Variants in VPS54 observed in about 807,000 individuals in gnomAD.
VPS54 encodes vacuolar protein sorting-associated protein 54.
Under a neutral mutation model 121.5 loss-of-function variants are expected in VPS54, and 45 were observed. That is an observed-to-expected ratio of 0.37 (90% CI 0.29 to 0.47). The LOEUF (loss-of-function observed/expected upper bound fraction) is 0.47. Ranked by LOEUF, VPS54 falls within the 20% of genes least tolerant of loss-of-function variation. The pLI, the probability that VPS54 is intolerant of heterozygous loss-of-function variation, is 0.99. For synonymous variants in VPS54, 371 were observed against 385.8 expected, an observed-to-expected ratio of 0.96 and a Z score of 0.45; for missense variants, 1,090 against 1,131.4, an observed-to-expected ratio of 0.96 and a Z score of 0.52.
At chr2:63,993,808 TAC>T (rs1677445087) in intron 1 of VPS54, among the ~76,000 whole-genome samples, 2 of 152,206 alleles carry the variant, frequency 1.3e-5, no homozygotes, top group African/African-American at 4.8e-5. Context: ...CTGAGGCTGT[TAC>T]AGTGTTCACT....
chr2:63,901,635 C>T (rs183000809), intron 20 of VPS54, among the ~76,000 whole-genome samples: 1 of 152,234 alleles, frequency 6.6e-6, no homozygotes, highest in East Asian at 1.9e-4. Context: ...AAACCCTATT[C>T]TCATACAAAG....
chr2:63,978,789 T>C (rs973398289), intron 3 of VPS54, among the ~76,000 whole-genome samples: 16 of 152,006 alleles, frequency 1.1e-4, no homozygotes, highest in South Asian at 6.2e-4. Context: ...CCGGCTAATT[T>C]TTGTATTTTT....
At chr2:63,928,528 A>C (rs1270555844) in intron 12 of VPS54, among the ~76,000 whole-genome samples, 1 of 152,320 alleles carries the variant, frequency 6.6e-6, no homozygotes, top group East Asian at 1.9e-4. Context: ...ATGGAAAGGA[A>C]CAACTGGTAC....
intron 12 of VPS54, among the ~76,000 whole-genome samples, chr2:63,932,422 CTG>C (rs1674253760): frequency 6.6e-6 from 1 of 152,116 alleles, no homozygotes; most frequent in Non-Finnish European, 1.5e-5. Context: ...AAACCAAACA[CTG>C]CATGTTCTCA....
intron 2 of VPS54, among the ~76,000 whole-genome samples, chr2:63,982,367 C>A (rs1342203214): frequency 6.6e-6 from 1 of 152,040 alleles, no homozygotes; most frequent in Non-Finnish European, 1.5e-5. Context: ...GTGGCATTAA[C>A]CATACAAGAA....
At chr2:63,920,312 A>G in intron 14 of VPS54, 134 bp downstream of exon 14, 2 of 786,068 alleles carry the variant, frequency 2.5e-6, no homozygotes, top group Non-Finnish European at 3.5e-6. Context: ...TTTTAATTCC[A>G]CAATCTGCCT....
At chr2:63,995,165 TCTCA>T (rs1450796733) in intron 1 of VPS54, among the ~76,000 whole-genome samples, 5 of 152,206 alleles carry the variant, frequency 3.3e-5, no homozygotes, top group South Asian at 2.1e-4. Flanking sequence ...CGTCCCCCTC[TCTCA>T]CTATCAACGT....
intron 12 of VPS54, among the ~76,000 whole-genome samples, chr2:63,926,714 G>A (rs1051209553): frequency 6.6e-6 from 1 of 152,210 alleles, no homozygotes; most frequent in African/African-American, 2.4e-5. Context: ...AAGGGGTCGG[G>A]GGATTTCCCT....
intron 7 of VPS54, among the ~76,000 whole-genome samples, chr2:63,954,955 G>C (rs944779635): frequency 1.3e-5 from 2 of 151,866 alleles, no homozygotes; most frequent in African/African-American, 4.8e-5. Flanking sequence ...ATATTATTTG[G>C]ACCCTGATTA....
chr2:63,995,453 G>A (rs1429075094), intron 1 of VPS54, among the ~76,000 whole-genome samples: 1 of 152,238 alleles, frequency 6.6e-6, no homozygotes, highest in Non-Finnish European at 1.5e-5. Context: ...AAGTGTTACA[G>A]CGAATTCTTT....
At chr2:63,931,245 C>T (rs996973423) in intron 12 of VPS54, among the ~76,000 whole-genome samples, 9 of 152,124 alleles carry the variant, frequency 5.9e-5, no homozygotes, top group Non-Finnish European at 1.2e-4. Context: ...TGCTACCTGA[C>T]GTCAAACTAT....
intron 7 of VPS54, among the ~76,000 whole-genome samples, chr2:63,954,749 AAACT>A (rs1380756621): frequency 1.3e-5 from 2 of 152,104 alleles, no homozygotes; most frequent in East Asian, 1.9e-4. Flanking sequence ...CAAGCTTTTA[AAACT>A]AACTATCAAT....
chr2:63,965,683 T>G lies in VPS54; in HGVS notation c.624+152A>C, dbSNP rs1675960341. The stretch of plus-strand genomic sequence containing the variant: ...TCCATTGAACCAAAATGCTGTTAGT[T>G]TATCAGTTAAGATTGGGAGGCTTAT... On this transcript the variant is annotated intron_variant, in intron 6 of 22. Transcript: ENST00000272322. 2.8e-6 allele frequency: 3 copies of G among 1,083,064 alleles called. No homozygotes were observed. The African/African-American group carries it at 4.9e-5, about 18-fold the overall frequency. 67.1% of individuals were successfully genotyped at this position (1,083,064 alleles called of 1,614,324 possible). A position where few individuals can be genotyped will look rare whatever the true frequency, so the allele number is the denominator to read the frequency against.
chr2:63,993,949 C>T (rs1267215574), intron 1 of VPS54, among the ~76,000 whole-genome samples: 2 of 152,172 alleles, frequency 1.3e-5, no homozygotes, highest in Non-Finnish European at 2.9e-5. Flanking sequence ...TTCCCCAAAA[C>T]CTTTAAATAT....
intron 11 of VPS54, among the ~76,000 whole-genome samples, chr2:63,935,986 T>C (rs1674434771): frequency 6.6e-6 from 1 of 152,090 alleles, no homozygotes; most frequent in South Asian, 2.1e-4. Context: ...GACCTAGAAC[T>C]GATGAAGCCA....
chr2:63,923,307 A>G (rs36033991), intron 12 of VPS54, among the ~76,000 whole-genome samples: 22,646 of 148,460 alleles, frequency 0.15, 1,933 homozygotes, highest in Middle Eastern at 0.2. Flanking sequence ...AGGAGTGAGG[A>G]AAAAAAAAAA....
At chr2:63,978,292 G>C (rs542792222) in intron 3 of VPS54, among the ~76,000 whole-genome samples, 29 of 152,262 alleles carry the variant, frequency 1.9e-4, no homozygotes, top group African/African-American at 6.5e-4. Context: ...CCCACCAGCG[G>C]TATATGAGAG....
intron 1 of VPS54, among the ~76,000 whole-genome samples, chr2:63,988,864 C>G (rs1257284612): frequency 6.6e-6 from 1 of 152,198 alleles, no homozygotes; most frequent in Non-Finnish European, 1.5e-5. Context: ...ACCATTAGGT[C>G]TGACTGCCTG....
At chr2:63,934,544 T>TCA (rs1674365053) in intron 11 of VPS54, among the ~76,000 whole-genome samples, 1 of 152,192 alleles carries the variant, frequency 6.6e-6, no homozygotes, top group Non-Finnish European at 1.5e-5. Flanking sequence ...GGAATGCTTT[T>TCA]CACCTTGATC....
Sources: gnomAD v4.1 joint callset for allele counts (sites outside exome capture counted in the v4.1 genomes callset) on GRCh38, gnomAD v4.1.1 for gene constraint, MANE v1.5 for transcripts, NCBI Gene and HGNC (gene_info 2026-07-23, HGNC 2026-07-21) for gene names.